Variants in EXT1 observed in about 807,000 individuals in gnomAD.
The protein encoded by EXT1 is exostosin glycosyltransferase 1.
A neutral mutation model predicts 82.5 loss-of-function variants in EXT1; 20 were observed. The observed-to-expected ratio is 0.24, with a 90% CI of 0.17 to 0.35. The LOEUF is 0.35. Ranked by LOEUF, EXT1 falls within the 10% of genes least tolerant of loss-of-function variation. The pLI is 1.00. For missense variants in EXT1, 757 were observed against 936.5 expected (o/e 0.81, Z 2.50); for synonymous variants, 348 against 350.8 (o/e 0.99, Z 0.09).
intron 1 of EXT1, among the ~76,000 whole-genome samples, chr8:118,002,772 T>C (rs548614944): frequency 2.0e-5 from 3 of 152,130 alleles, no homozygotes; most frequent in South Asian, 4.2e-4. Context: ...GAACTCGTGA[T>C]CCACCCGCCT....
At chr8:117,879,444 A>C (rs1279379107) in intron 1 of EXT1, among the ~76,000 whole-genome samples, 1 of 152,064 alleles carries the variant, frequency 6.6e-6, no homozygotes, top group Non-Finnish European at 1.5e-5. Flanking sequence ...TCCACATGAA[A>C]AAAAAAAAGG....
At chr8:118,028,619 G>GA (rs1191483786) in intron 1 of EXT1, among the ~76,000 whole-genome samples, 1 of 151,574 alleles carries the variant, frequency 6.6e-6, no homozygotes, top group African/African-American at 2.4e-5. Context: ...TTATAAAAAG[G>GA]AAAAAATAAA....
At chr8:117,884,757 G>C (rs912765395) in intron 1 of EXT1, among the ~76,000 whole-genome samples, 26 of 152,140 alleles carry the variant, frequency 1.7e-4, no homozygotes. Flanking sequence ...ACTTAGGAGA[G>C]TGGTTTGTTG....
intron 1 of EXT1, among the ~76,000 whole-genome samples, chr8:118,077,406 T>C (rs1817231547): frequency 6.6e-6 from 1 of 152,202 alleles, no homozygotes; most frequent in Admixed American, 6.5e-5. Flanking sequence ...TCCACAGTTA[T>C]TGCACCATAG....
At chr8:117,909,462 T>C (rs937971282) in intron 1 of EXT1, among the ~76,000 whole-genome samples, 6 of 152,216 alleles carry the variant, frequency 3.9e-5, no homozygotes, top group African/African-American at 1.4e-4. Context: ...GCAGAGATTA[T>C]GCTAGTTTGA....
chr8:117,989,572 A>G (rs1222848470), intron 1 of EXT1, among the ~76,000 whole-genome samples: 4 of 152,224 alleles, frequency 2.6e-5, no homozygotes, highest in African/African-American at 9.6e-5. Context: ...CATGGGGAAG[A>G]ACAACTTGGG....
At chr8:118,025,839 A>G (rs1479501098) in intron 1 of EXT1, among the ~76,000 whole-genome samples, 2 of 152,184 alleles carry the variant, frequency 1.3e-5, no homozygotes, top group Admixed American at 6.5e-5. Flanking sequence ...AATTCATCAA[A>G]TGTGCCATAA....
At chr8:117,998,823 C>T (rs1815600818) in intron 1 of EXT1, among the ~76,000 whole-genome samples, 1 of 152,194 alleles carries the variant, frequency 6.6e-6, no homozygotes, top group South Asian at 2.1e-4. Context: ...AGAAAGATTA[C>T]AGAAGTCAGC....
At chr8:118,067,021 T>C (rs1315963418) in intron 1 of EXT1, among the ~76,000 whole-genome samples, 1 of 152,238 alleles carries the variant, frequency 6.6e-6, no homozygotes, top group Non-Finnish European at 1.5e-5. Flanking sequence ...TCTGTAAGTC[T>C]CTGGTAGATT....
At chr8:117,991,111 CTTT>C (rs771949980) in intron 1 of EXT1, among the ~76,000 whole-genome samples, 1 of 143,792 alleles carries the variant, frequency 7.0e-6, no homozygotes. Context: ...ACTTCGATGT[CTTT>C]TTTTTTTTTT....
chr8:117,866,582 A>C (rs1812777464), intron 1 of EXT1, among the ~76,000 whole-genome samples: 1 of 152,194 alleles, frequency 6.6e-6, no homozygotes, highest in Admixed American at 6.5e-5. Flanking sequence ...ACAGGTGTAA[A>C]GTGTGATGAT....
At chr8:117,902,583 A>C (rs1419167728) in intron 1 of EXT1, among the ~76,000 whole-genome samples, 1 of 73,188 alleles carries the variant, frequency 1.4e-5, no homozygotes, top group African/African-American at 5.1e-5. Context: ...ATGCATTGTT[A>C]TAATTAGCTC....
chr8:118,087,101 C>T (rs375690329), intron 1 of EXT1, among the ~76,000 whole-genome samples: 1 of 152,162 alleles, frequency 6.6e-6, no homozygotes, highest in Non-Finnish European at 1.5e-5. Context: ...TCGTGCCCAG[C>T]GCTGGATAGA....
At chr8:118,098,866 A>C (rs1817667203) in intron 1 of EXT1, among the ~76,000 whole-genome samples, 1 of 152,182 alleles carries the variant, frequency 6.6e-6, no homozygotes, top group Admixed American at 6.5e-5. Flanking sequence ...AAAACCCAGA[A>C]ATCAGAGTTA....
chr8:117,944,139 T>C (rs542788903), intron 1 of EXT1, among the ~76,000 whole-genome samples: 284 of 152,286 alleles, frequency 1.9e-3, no homozygotes, highest in African/African-American at 6.5e-3. Flanking sequence ...TGGTAGCTCA[T>C]GCCTGTAATC....
In EXT1 at chr8:117,962,765, A is replaced by T. The variant is rs6983986; in HGVS notation, c.963-125564T>A. Among the ~76,000 whole-genome samples the T allele has an allele frequency of 7.0e-5, 4 of 56,920 alleles. 1 individual carries two copies. The highest frequency in any genetic ancestry group is 3.5e-4 in the African/African-American group (4 of 11,308). 37.3% of individuals were successfully genotyped at this position (56,920 alleles called of 152,430 possible). ...AAGACTCCATCCCCCCACACCCCCC[A>T]CCCCCAAAAAAAAGAGAAAAAATGG... is the stretch of plus-strand genomic sequence containing the variant. On this transcript the variant is annotated intron_variant, in intron 1 of 10. Coordinates refer to ENST00000378204, the MANE Select transcript of EXT1 (RefSeq NM_000127.3).
At chr8:117,872,966 T>C (rs1812900384) in intron 1 of EXT1, among the ~76,000 whole-genome samples, 2 of 152,154 alleles carry the variant, frequency 1.3e-5, no homozygotes, top group South Asian at 4.1e-4. Flanking sequence ...GTATTTGCTA[T>C]GGTCTGAATG....
At chr8:117,920,834 C>T (rs3101578) in intron 1 of EXT1, among the ~76,000 whole-genome samples, 14,686 of 152,052 alleles carry the variant, frequency 0.097, 2,005 homozygotes, top group African/African-American at 0.3. Context: ...TAGCCACAAT[C>T]GTGCTGGGAT....
rs750116273 is a variant in EXT1 at position 118,110,710 on chromosome 8, C to T, written c.337G>A (p.Gly113Ser). ...CFDFTLCKKN[G>S]FKVYVYPQQK... is the part of the protein sequence containing the mutation. ...TGTGGGTATACGTAGACTTTGAAGC[C>T]GTTTTTCTTGCAAAGGGTGAAATCG... The change falls in exon 1 of 11, where the codon GGC (glycine) becomes AGC (serine). Residue 113 changes from glycine (G) to serine (S), a missense_variant. This residue lies in a region of EXT1 where 175 missense variants were observed against 159.0 expected (regional missense o/e 1.10). Transcript: ENST00000378204. 58 of 1,614,026 alleles carry T rather than the reference C, an allele frequency of 3.6e-5. No homozygotes were observed. The highest frequency in any genetic ancestry group is 4.7e-5 in the Non-Finnish European group (56 of 1,180,050).
Sources: gnomAD v4.1 joint callset for allele counts (sites outside exome capture counted in the v4.1 genomes callset) on GRCh38, gnomAD v4.1.1 for gene constraint, gnomAD v4.1.1 regional missense constraint, MANE v1.5 for transcripts, NCBI Gene and HGNC (gene_info 2026-07-23, HGNC 2026-07-21) for gene names.